LARGE1: variants seen among roughly 807,000 people sequenced by gnomAD.
LARGE1 encodes the protein xylosyl- and glucuronyltransferase LARGE1.
LARGE1 carries 43 observed loss-of-function variants against 87.6 expected under a neutral mutation model. That is an observed-to-expected ratio of 0.49 (90% CI 0.38 to 0.63). The LOEUF is 0.63. LARGE1 is among the 30% of genes least tolerant of loss of function. The pLI is 0.00. For missense variants in LARGE1, 802 were observed against 1,000.2 expected (o/e 0.80, Z 2.67); for synonymous variants, 434 against 394.6 (o/e 1.10, Z -1.18).
intron 11 of LARGE1, among the ~76,000 whole-genome samples, chr22:33,198,121 T>C (rs1255685045): frequency 2.6e-5 from 4 of 152,036 alleles, no homozygotes; most frequent in African/African-American, 9.7e-5. Context: ...AGCAAAAATA[T>C]GTAACCTCCA....
intron 2 of LARGE1, among the ~76,000 whole-genome samples, chr22:33,743,551 T>C (rs1286454832): frequency 6.6e-6 from 1 of 152,182 alleles, no homozygotes; most frequent in African/African-American, 2.4e-5. Flanking sequence ...ACTACCACCA[T>C]CTAAGTTCAG....
intron 1 of LARGE1, among the ~76,000 whole-genome samples, chr22:33,850,073 A>G (rs1165809166): frequency 6.6e-6 from 1 of 152,130 alleles, no homozygotes; most frequent in Non-Finnish European, 1.5e-5. Flanking sequence ...TTTCCACAGA[A>G]AAGTAAAAGG....
chr22:33,483,182 A>G (rs1279679321), intron 6 of LARGE1, among the ~76,000 whole-genome samples: 1 of 152,200 alleles, frequency 6.6e-6, no homozygotes, highest in East Asian at 1.9e-4. Flanking sequence ...CTTGAGTGAC[A>G]GCACTAAGGG....
At chr22:33,911,392 AC>A (rs932517136) in intron 1 of LARGE1, among the ~76,000 whole-genome samples, 2 of 152,134 alleles carry the variant, frequency 1.3e-5, no homozygotes, top group Non-Finnish European at 1.5e-5. Context: ...TAACTGAGAA[AC>A]CCAGCAGAGA....
intron 6 of LARGE1, among the ~76,000 whole-genome samples, chr22:33,501,371 T>G (rs1165985364): frequency 1.3e-5 from 2 of 152,166 alleles, no homozygotes; most frequent in Non-Finnish European, 2.9e-5. Context: ...GCCTCTGTGT[T>G]TGCTGCAAAA....
In LARGE1 at chr22:33,297,864, T is replaced by C. The variant is rs143855850; in HGVS notation, c.1730+6365A>G. Among the ~76,000 whole-genome samples the C allele has an allele frequency of 9.6e-3, 1,395 of 144,822 alleles. 26 individuals carry two copies. The highest frequency in any genetic ancestry group is 0.035 in the African/African-American group (1,343 of 38,902). On this transcript the variant is annotated intron_variant, in intron 12 of 14. Transcript: ENST00000397394. ...GCGTGGTGGCAGGCGCCTGTAATCC[T>C]AGCTACTCAGGAGGCTGAGGCAGGA...
At chr22:33,905,100 C>T (rs1241659919) in intron 1 of LARGE1, among the ~76,000 whole-genome samples, 1 of 118,164 alleles carries the variant, frequency 8.5e-6, no homozygotes, top group Non-Finnish European at 1.6e-5. Context: ...GCATCTTGCT[C>T]TGTCACCCAG....
chr22:33,616,462 G>A (rs1280562350), intron 4 of LARGE1, among the ~76,000 whole-genome samples: 6 of 151,700 alleles, frequency 4.0e-5, no homozygotes, highest in East Asian at 1.9e-4. Flanking sequence ...AACCCAAGAG[G>A]TGGAGGTTGC....
intron 11 of LARGE1, among the ~76,000 whole-genome samples, chr22:33,309,166 G>A (rs5754518): frequency 6.6e-6 from 1 of 150,530 alleles, no homozygotes; most frequent in Non-Finnish European, 1.5e-5. Flanking sequence ...AATGAGATTC[G>A]TGCCTTTTTT....
intron 6 of LARGE1, among the ~76,000 whole-genome samples, chr22:33,515,322 GA>G (rs2071253607): frequency 6.6e-6 from 1 of 152,042 alleles, no homozygotes; most frequent in Admixed American, 6.5e-5. Flanking sequence ...AGTGCAAATT[GA>G]TGCACAGAGA....
intron 2 of LARGE1, among the ~76,000 whole-genome samples, chr22:33,701,349 T>G (rs2082399231): frequency 6.6e-6 from 1 of 151,964 alleles, no homozygotes; most frequent in Admixed American, 6.6e-5. Context: ...GAAAAGGAGG[T>G]TGCTGGAAAC....
intron 5 of LARGE1, among the ~76,000 whole-genome samples, chr22:33,580,271 G>A (rs989268944): frequency 2.6e-5 from 4 of 152,042 alleles, no homozygotes; most frequent in Admixed American, 1.3e-4. Flanking sequence ...TTGGGAGGCT[G>A]AGGCAGGAGA....
intron 1 of LARGE1, among the ~76,000 whole-genome samples, chr22:33,793,115 C>T (rs1319432456): frequency 6.6e-6 from 1 of 152,234 alleles, no homozygotes; most frequent in Non-Finnish European, 1.5e-5. Flanking sequence ...CACACTCCTA[C>T]AGCATCGCAC....
At chr22:33,298,249 C>T (rs1933625017) in intron 12 of LARGE1, among the ~76,000 whole-genome samples, 1 of 152,182 alleles carries the variant, frequency 6.6e-6, no homozygotes, top group African/African-American at 2.4e-5. Context: ...GCACATACAG[C>T]TGCAATGACC....
chr22:33,246,108 C>A (rs1318622497), intron 11 of LARGE1, among the ~76,000 whole-genome samples: 1 of 152,264 alleles, frequency 6.6e-6, no homozygotes, highest in African/African-American at 2.4e-5. Context: ...AAAATAGCAA[C>A]CTCTTTGGAC....
At chr22:33,533,068 T>G (rs906279125) in intron 6 of LARGE1, among the ~76,000 whole-genome samples, 1 of 152,198 alleles carries the variant, frequency 6.6e-6, no homozygotes, top group South Asian at 2.1e-4. Flanking sequence ...GCATGTCTAC[T>G]GCAGGGCCCA....
At chr22:33,455,520 A>G (rs2068096474) in intron 6 of LARGE1, among the ~76,000 whole-genome samples, 1 of 152,148 alleles carries the variant, frequency 6.6e-6, no homozygotes, top group South Asian at 2.1e-4. Context: ...TGGGAGGCCG[A>G]GGCAGGAGGA....
At chr22:33,915,034 C>CAT (rs1229656114) in intron 1 of LARGE1, among the ~76,000 whole-genome samples, 1 of 121,018 alleles carries the variant, frequency 8.3e-6, no homozygotes, top group Non-Finnish European at 1.8e-5. Flanking sequence ...CACACACACA[C>CAT]ACACACACAG....
intron 9 of LARGE1, among the ~76,000 whole-genome samples, chr22:33,367,103 ATGT>A (rs2064624413): frequency 6.6e-6 from 1 of 151,296 alleles, no homozygotes; most frequent in Non-Finnish European, 1.5e-5. Context: ...TGTTCACATA[ATGT>A]TGTTCACAGT....
Sources: allele counts gnomAD v4.1 joint callset (sites outside exome capture counted in the v4.1 genomes callset), GRCh38; gene constraint gnomAD v4.1.1; transcripts MANE v1.5; gene names NCBI Gene and HGNC (gene_info 2026-07-23, HGNC 2026-07-21).